RPS6KA3: variants seen among roughly 807,000 people sequenced by gnomAD.
The protein encoded by RPS6KA3 is ribosomal protein S6 kinase alpha-3.
Under a neutral mutation model 67.2 loss-of-function variants are expected in RPS6KA3, and 4 were observed. That is an observed-to-expected ratio of 0.06 (90% CI 0.03 to 0.14). The LOEUF (loss-of-function observed/expected upper bound fraction) is 0.14, where lower values mean the gene tolerates loss of function less well. RPS6KA3 is among the 10% of genes least tolerant of loss of function. The probability of loss-of-function intolerance (pLI) is 1.00; values close to 1 mark genes in which losing one functional copy is unlikely to be tolerated. For synonymous variants in RPS6KA3, 182 were observed against 183.7 expected, an observed-to-expected ratio of 0.99 and a Z score of 0.07; for missense variants, 204 against 559.0, an observed-to-expected ratio of 0.36 and a Z score of 6.40.
Position 20,177,295 on chromosome X carries a change from C to T in RPS6KA3, c.846-211G>A, listed in dbSNP as rs1272203383. On this transcript the variant is annotated intron_variant, in intron 10 of 21. Coordinates refer to ENST00000379565, the MANE Select transcript of RPS6KA3 (RefSeq NM_004586.3). ...TACAATATCACATCCAGGATATTGA[C>T]ATGGAGACAATCCAATGATCTCATT... 7.1e-5 allele frequency among the ~76,000 whole-genome samples: 8 copies of T among 112,164 alleles called. No homozygotes were observed. In the East Asian group the frequency reaches 2.2e-3, roughly 31 times the overall value.
intron 2 of RPS6KA3, chrX:20,218,782 A>C (rs2068919426): frequency 1.8e-6 from 2 of 1,082,338 alleles, no homozygotes; most frequent in Non-Finnish European, 2.5e-6. Flanking sequence ...TCTATAAAAG[A>C]AGCTGAACAG....
intron 16 of RPS6KA3, among the ~76,000 whole-genome samples, chrX:20,168,674 G>C (rs1050361401): frequency 1.8e-5 from 2 of 111,944 alleles, no homozygotes; most frequent in Non-Finnish European, 3.8e-5. Context: ...ATTTAGGTAA[G>C]TGTTCAAGTA....
At position 20,176,884 on chromosome X, in the gene RPS6KA3, G is replaced by A. The variant is rs2067714045; in HGVS notation, c.934+112C>T. The A allele has an allele frequency of 5.0e-6, 3 of 603,947 alleles. No individual in the cohort carries two copies. The Admixed American group carries it at 7.9e-5, about 16-fold the overall frequency. 49.8% of individuals were successfully genotyped at this position (603,947 alleles called of 1,213,427 possible). ...TGGGATTACAGGCGTGAGCCACCAG[G>A]CCTAGCCTTGTCTAAATAGTTAATA... On this transcript the variant is annotated intron_variant, in intron 11 of 21. Coordinates refer to ENST00000379565, the MANE Select transcript of RPS6KA3 (RefSeq NM_004586.3).
intron 1 of RPS6KA3, among the ~76,000 whole-genome samples, chrX:20,237,915 T>C (rs1432196102): frequency 9.0e-6 from 1 of 111,347 alleles, no homozygotes; most frequent in East Asian, 2.8e-4. Flanking sequence ...CTATAATATC[T>C]CTGAGAAAGT....
chrX:20,153,994 G>A lies in RPS6KA3; in HGVS notation c.*1404C>T. 1 of 112,241 alleles carries A rather than the reference G, an allele frequency of 8.9e-6. No homozygotes were observed. The highest frequency in any genetic ancestry group is 1.9e-5 in the Non-Finnish European group (1 of 53,290). 9.2% of individuals were successfully genotyped at this position (112,241 alleles called of 1,213,427 possible). ...TCATATGTCTTTTACATTACATACTGATGTATGCTAGGCAGCTTGGCAAAG... is the reference window on the plus strand; with the variant it reads ...TCATATGTCTTTTACATTACATACTAATGTATGCTAGGCAGCTTGGCAAAG... On this transcript the variant is annotated 3_prime_UTR_variant, in exon 22 of 22. Transcript: ENST00000379565.
intron 10 of RPS6KA3, 45 bp downstream of exon 10, chrX:20,186,251 T>A (rs2067979169): frequency 1.1e-6 from 1 of 912,656 alleles, no homozygotes; most frequent in African/African-American, 2.0e-5. Flanking sequence ...CTGAAGCATT[T>A]ATTTTAAAAT....
In RPS6KA3 at chrX:20,167,014, G is replaced by C. The variant is rs371309699; in HGVS notation, c.1602+575C>G. On this transcript the variant is annotated intron_variant, in intron 17 of 21. Transcript: ENST00000379565. ...ATTACAGGCGTGAGTCACTGCACCC[G>C]GCCGCCTTGTTTTAAAAATACGATT... is the stretch of plus-strand genomic sequence containing the variant. Among the ~76,000 whole-genome samples, 31 of 110,453 alleles carry C rather than the reference G, an allele frequency of 2.8e-4. No individual in the cohort carries two copies. In the East Asian group the frequency reaches 6.8e-3, roughly 24 times the overall value.
At chrX:20,204,767 G>T (rs927154684) in intron 3 of RPS6KA3, among the ~76,000 whole-genome samples, 3 of 111,143 alleles carry the variant, frequency 2.7e-5, no homozygotes, top group African/African-American at 9.8e-5. Flanking sequence ...AGATGTGGTA[G>T]CTGGCACCTG....
At chrX:20,175,313 G>A in intron 13 of RPS6KA3, 25 bp from the exon 14 acceptor site, 1 of 1,203,633 alleles carries the variant, frequency 8.3e-7, no homozygotes, top group Non-Finnish European at 1.1e-6. Flanking sequence ...AAGTGACAAA[G>A]AAGATTCATT....
At chrX:20,242,589 GA>G (rs2069579845) in intron 1 of RPS6KA3, among the ~76,000 whole-genome samples, 1 of 111,109 alleles carries the variant, frequency 9.0e-6, no homozygotes, top group African/African-American at 3.3e-5. Flanking sequence ...TATGGAAGAA[GA>G]AAAAAACCTC....
chrX:20,259,152 T>C (rs2070155453), intron 1 of RPS6KA3, among the ~76,000 whole-genome samples: 1 of 112,032 alleles, frequency 8.9e-6, no homozygotes, highest in Non-Finnish European at 1.9e-5. Flanking sequence ...TTTTACATTA[T>C]TTGGAAACTG....
At chrX:20,256,085 G>A in intron 1 of RPS6KA3, among the ~76,000 whole-genome samples, 1 of 102,395 alleles carries the variant, frequency 9.8e-6, no homozygotes, top group Non-Finnish European at 2.0e-5. Context: ...ACTCCAGCCT[G>A]GGTGACAGAG....
At position 20,176,511 on chromosome X, in the gene RPS6KA3, G is replaced by A; in HGVS notation, c.935-13C>T. On this transcript the variant is annotated splice_polypyrimidine_tract_variant and intron_variant, in intron 11 of 21. Transcript: ENST00000379565. The stretch of plus-strand genomic sequence containing the variant: ...TCTGGTCCTGCACCTATCAAAAATG[G>A]ATTCACTGATAATTTTATTTCAAGG... 1 of 1,128,712 alleles carries A rather than the reference G, an allele frequency of 8.9e-7. No homozygotes were observed. The highest frequency in any genetic ancestry group is 1.2e-6 in the Non-Finnish European group (1 of 821,607). The allele number at this position is 1,128,712 out of a possible 1,213,427, so 93.0% of individuals were successfully genotyped here. A position where few individuals can be genotyped will look rare whatever the true frequency, so the allele number is the denominator to read the frequency against.
intron 20 of RPS6KA3, 79 bp from the exon 21 acceptor site, chrX:20,156,328 C>A: frequency 1.0e-6 from 1 of 978,333 alleles, no homozygotes; most frequent in Non-Finnish European, 1.5e-6. Flanking sequence ...AATGAACATT[C>A]TTCCTTAGCT....
intron 1 of RPS6KA3, among the ~76,000 whole-genome samples, chrX:20,263,969 A>C (rs997584383): frequency 1.8e-5 from 2 of 111,918 alleles, no homozygotes; most frequent in African/African-American, 6.5e-5. Flanking sequence ...GACTCTAAAA[A>C]AAACTATGTT....
At chrX:20,182,297 T>C (rs1180527342) in intron 10 of RPS6KA3, among the ~76,000 whole-genome samples, 2 of 111,970 alleles carry the variant, frequency 1.8e-5, no homozygotes, top group Non-Finnish European at 3.8e-5. Flanking sequence ...AATAGAATCA[T>C]ATAGTACTTT....
chrX:20,161,167 T>A (rs952225707), intron 20 of RPS6KA3, among the ~76,000 whole-genome samples: 3 of 111,602 alleles, frequency 2.7e-5, no homozygotes, highest in Non-Finnish European at 5.6e-5. Flanking sequence ...AAATAGAACA[T>A]GGTATAATTA....
At chrX:20,178,114 A>T (rs2067743919) in intron 10 of RPS6KA3, among the ~76,000 whole-genome samples, 1 of 112,037 alleles carries the variant, frequency 8.9e-6, no homozygotes, top group South Asian at 3.7e-4. Flanking sequence ...GGATACAGAG[A>T]TAAAGAGAGC....
intron 17 of RPS6KA3, among the ~76,000 whole-genome samples, chrX:20,166,095 G>C (rs1001553518): frequency 8.9e-6 from 1 of 112,092 alleles, no homozygotes; most frequent in African/African-American, 3.2e-5. Context: ...TTTTGACAAT[G>C]GTTGACTGTG....
Sources: allele counts gnomAD v4.1 joint callset (sites outside exome capture counted in the v4.1 genomes callset), GRCh38; gene constraint gnomAD v4.1.1; transcripts MANE v1.5; gene names NCBI Gene and HGNC (gene_info 2026-07-23, HGNC 2026-07-21).